PPP6R1: variants seen among roughly 807,000 people sequenced by gnomAD.
PPP6R1 encodes the protein serine/threonine-protein phosphatase 6 regulatory subunit 1.
PPP6R1 carries 39 observed loss-of-function variants against 104.6 expected under a neutral mutation model. The ratio of observed to expected loss-of-function variants is 0.37; its 90% confidence interval spans 0.29 to 0.49. PPP6R1 has a LOEUF of 0.49. PPP6R1 is among the 20% of genes least tolerant of loss of function. The pLI is 0.98. For missense variants in PPP6R1, 1,181 were observed against 1,155.8 expected (o/e 1.02, Z -0.32); for synonymous variants, 549 against 479.0 (o/e 1.15, Z -1.91).
rs754829454 is a variant in PPP6R1, at chr19:55,236,843, G to A, written c.1810-22C>T. On this transcript the variant is annotated intron_variant, in intron 16 of 23. Transcript: ENST00000412770. ...TGGGCTGCAGGGCACAGGGGTGGGA[G>A]GATGGGCCACACTGCCCACAGCCCC... is the stretch of plus-strand genomic sequence containing the variant. The A allele has an allele frequency of 7.4e-6, 12 of 1,613,730 alleles. No individual in the cohort carries two copies. In the Admixed American group the frequency reaches 2.0e-4, roughly 27 times the overall value.
rs1280879464 is a variant in PPP6R1 at position 55,239,439 on chromosome 19, C to G, written c.1717G>C (p.Asp573His). ...SAFIDHFGFNDEEFGEQEESV... is the reference protein window; with the variant it reads ...SAFIDHFGFNHEEFGEQEESV... ...TCCTCCTGCTCCCCAAACTCCTCAT[C>G]ATTGAAGCCGAAGTGGTCAATGAAG... is the stretch of plus-strand genomic sequence containing the variant. Residue 573 changes from aspartate to histidine, a missense_variant, in exon 15 of 24, where the codon GAT (aspartate) becomes CAT (histidine). Physicochemically the swap from Asp to His is moderately conservative, Grantham distance 81. This residue lies in a region of PPP6R1 where 1,042 missense variants were observed against 955.6 expected (regional missense o/e 1.09). Transcript: ENST00000412770. The G allele has an allele frequency of 3.1e-6, 5 of 1,613,996 alleles. No individual in the cohort carries two copies. Among genetic ancestry groups the G allele is most frequent in the Non-Finnish European group, 4.2e-6 (5 of 1,179,886 alleles).
chr19:55,228,565 C>T, downstream of PPP6R1: 3 of 1,521,270 alleles, frequency 2.0e-6, no homozygotes, highest in Non-Finnish European at 2.7e-6. Context: ...ATTCAGGGAC[C>T]AGGCTGCCAG....
Position 55,241,050 on chromosome 19 carries a change from G to A in PPP6R1, c.1191C>T (p.Asn397=). Reference sequence around the variant, plus strand: ...ATCCCTCTACTTGGGCATGCAAGAAGTTGTTGAAGACATAATGGAAGAAGA... The same window carrying A: ...ATCCCTCTACTTGGGCATGCAAGAAATTGTTGAAGACATAATGGAAGAAGA... ...LDLFFHYVFN[N]FLHAQVEGCV... Residue 397 remains asparagine (N), a synonymous_variant, in exon 10 of 24, where the codon AAC becomes AAT. Coordinates refer to ENST00000412770, the MANE Select transcript of PPP6R1 (RefSeq NM_014931.4). The surrounding 1 kb of genome is among the most constrained non-coding windows in gnomAD (Gnocchi z 5.4). 1 of 1,557,402 alleles carries A rather than the reference G, an allele frequency of 6.4e-7. No individual in the cohort carries two copies. The highest frequency in any genetic ancestry group is 1.2e-5 in the South Asian group (1 of 84,382).
In PPP6R1 at chr19:55,231,659, G is replaced by A; in HGVS notation, c.2316C>T (p.Asp772=). The change falls in exon 20 of 24, where the codon GAC becomes GAT. Residue 772 remains aspartate (D), a synonymous_variant. Transcript: ENST00000412770. ...CCTGAGGTGCTGAGGGGGGTGTGGG[G>A]TCCTGAGACCTGGTAGGCGAGAGAG... ...ARDALQLRSQ[D]PTPPSAPQEA... The A allele has an allele frequency of 6.2e-7, 1 of 1,607,772 alleles. No individual in the cohort carries two copies. The highest frequency in any genetic ancestry group is 8.5e-7 in the Non-Finnish European group (1 of 1,176,834).
chr19:55,236,864 G>A, intron 16 of PPP6R1, 43 bp from the exon 17 acceptor site: 1 of 1,602,946 alleles, frequency 6.2e-7, no homozygotes, highest in Non-Finnish European at 8.5e-7. Flanking sequence ...ACTGCCCACA[G>A]CCCCACACCC....
chr19:55,231,464 C>T lies in PPP6R1; in HGVS notation c.2405G>A (p.Gly802Glu). The T allele has an allele frequency of 6.2e-7, 1 of 1,608,410 alleles. No individual in the cohort carries two copies. Among genetic ancestry groups the T allele is most frequent in the Middle Eastern group, 1.7e-4 (1 of 5,988 alleles). Residue 802 changes from glycine (G) to glutamate (E), a missense_variant, in exon 21 of 24, where the codon GGG becomes GAG. Gly to Glu is a moderately conservative substitution (Grantham distance 98). Around this residue, in one of 2 missense-constraint regions of PPP6R1, gnomAD observed 1,042 missense variants for 955.6 expected, o/e 1.09. Transcript: ENST00000412770. ...SAPCQALVSI[G>E]DLQATFHGIR... The stretch of plus-strand genomic sequence containing the variant: ...CCCGTGGAAGGTGGCCTGAAGGTCC[C>T]CGATGCTAACCAAGGCCTGGCAAGG...
At chr19:55,234,672 A>ACTCACAGCG (rs2087379949) in intron 17 of PPP6R1, among the ~76,000 whole-genome samples, 1 of 149,370 alleles carries the variant, frequency 6.7e-6, no homozygotes, top group African/African-American at 2.6e-5. Flanking sequence ...CACTCACAGC[A>ACTCACAGCG]GCGAGCAACA....
chr19:55,243,258 A>C (rs112059003), intron 5 of PPP6R1, among the ~76,000 whole-genome samples: 9 of 151,988 alleles, frequency 5.9e-5, no homozygotes, highest in African/African-American at 1.2e-4. Context: ...ACTAAAAATA[A>C]AAAAATTAGC....
chr19:55,251,990 A>G (rs1015082111), intron 1 of PPP6R1, among the ~76,000 whole-genome samples: 1 of 152,092 alleles, frequency 6.6e-6, no homozygotes. Flanking sequence ...TAGGCTGCCC[A>G]TGCCATGCCA....
intron 10 of PPP6R1, 132 bp downstream of exon 10, chr19:55,240,813 C>G: frequency 2.3e-6 from 3 of 1,302,080 alleles, no homozygotes; most frequent in Non-Finnish European, 3.1e-6. Flanking sequence ...TCCCACACCC[C>G]ATCTGGGCGC....
Position 55,241,440 on chromosome 19 carries a change from C to T in PPP6R1, c.1008+37G>A, listed in dbSNP as rs376897114. ...TCCCAAGGGCTGCCCTTCCTGCTTC[C>T]CCCGCCTCCCCGAGGACCAGAACCC... On this transcript the variant is annotated intron_variant, in intron 8 of 23. Transcript: ENST00000412770. This position sits in a 1 kb window ranked among gnomAD's most constrained non-coding sequence, Gnocchi z 5.4. 20 of 1,595,856 alleles carry T rather than the reference C, an allele frequency of 1.3e-5. No individual in the cohort carries two copies. The African/African-American group carries it at 2.5e-4, about 20-fold the overall frequency.
intron 1 of PPP6R1, among the ~76,000 whole-genome samples, chr19:55,251,111 C>T (rs188365887): frequency 2.6e-5 from 4 of 152,224 alleles, no homozygotes; most frequent in African/African-American, 9.6e-5. Context: ...GCCTGCCTGG[C>T]TCAAGCAGCC....
At chr19:55,249,540 C>T (rs1159967319) in intron 1 of PPP6R1, among the ~76,000 whole-genome samples, 1 of 152,064 alleles carries the variant, frequency 6.6e-6, no homozygotes, top group Non-Finnish European at 1.5e-5. Flanking sequence ...CATGCCCAGA[C>T]TCCCAATATT....
chr19:55,242,394 A>G lies in PPP6R1; in HGVS notation c.713T>C (p.Leu238Pro), dbSNP rs777807744. The G allele has an allele frequency of 5.0e-6, 8 of 1,613,666 alleles. No homozygotes were observed. The highest frequency in any genetic ancestry group is 3.4e-6 in the Non-Finnish European group (4 of 1,179,694). Reference sequence around the variant, plus strand: ...CACCCACTTCTCCAGGGTGGCCAGCAGTTGGTCAGGCTCTGGGCTGTCCTG... The same window carrying G: ...CACCCACTTCTCCAGGGTGGCCAGCGGTTGGTCAGGCTCTGGGCTGTCCTG... Reference protein sequence around the residue: ...QVQDSPEPDQLLATLEKQETI... With the variant: ...QVQDSPEPDQPLATLEKQETI... The change falls in exon 6 of 24, where the codon CTG (leucine) becomes CCG (proline). Residue 238 changes from leucine to proline, a missense_variant. Physicochemically the swap from Leu to Pro is moderately conservative, Grantham distance 98. Transcript: ENST00000412770.
At position 55,242,026 on chromosome 19, in the gene PPP6R1, T is replaced by C; in HGVS notation, c.845+140A>G. On this transcript the variant is annotated intron_variant, in intron 7 of 23. Coordinates refer to ENST00000412770, the MANE Select transcript of PPP6R1 (RefSeq NM_014931.4). ...CCTCCCTCGGCCCCGTACTGTCCAC[T>C]GTGCAGGGAGCACAGGCAGCCACAG... 6.4e-6 allele frequency: 5 copies of C among 775,512 alleles called. No homozygotes were observed. In the South Asian group the frequency reaches 6.6e-5, roughly 10 times the overall value. The allele number at this position is 775,512 out of a possible 1,614,324, so 48.0% of individuals were successfully genotyped here.
rs565136760 is a variant in PPP6R1 at position 55,240,502 on chromosome 19, A to G, written c.1297-202T>C. ...GTCTCTCTGGTCTTTCTACAAAAGAATATGTGGTGCATACACACACACACA... is the reference window on the plus strand; with the variant it reads ...GTCTCTCTGGTCTTTCTACAAAAGAGTATGTGGTGCATACACACACACACA... On this transcript the variant is annotated intron_variant, in intron 10 of 23. Coordinates refer to ENST00000412770, the MANE Select transcript of PPP6R1 (RefSeq NM_014931.4). 4.7e-5 allele frequency among the ~76,000 whole-genome samples: 7 copies of G among 149,404 alleles called. No homozygotes were observed. The South Asian group carries it at 1.3e-3, about 27-fold the overall frequency.
intron 1 of PPP6R1, 91 bp downstream of exon 1, chr19:55,258,344 C>T (rs2087611117): frequency 6.6e-6 from 1 of 152,254 alleles, no homozygotes; most frequent in South Asian, 2.1e-4. Context: ...CGCGGGGGTC[C>T]CGAGAGGGAA....
chr19:55,231,003 G>C, intron 21 of PPP6R1, 119 bp from the exon 22 acceptor site: 1 of 852,768 alleles, frequency 1.2e-6, no homozygotes, highest in Non-Finnish European at 1.9e-6. Context: ...CTGCCCCACG[G>C]GGAGGGGCCT....
chr19:55,240,580 C>T (rs1358162224), intron 10 of PPP6R1, among the ~76,000 whole-genome samples: 1 of 152,096 alleles, frequency 6.6e-6, no homozygotes, highest in Admixed American at 6.5e-5. Flanking sequence ...CGGACACACA[C>T]ATGCTCACAC....
Sources: gnomAD v4.1 joint callset for allele counts (sites outside exome capture counted in the v4.1 genomes callset) on GRCh38, gnomAD v4.1.1 for gene constraint, gnomAD v4.1.1 regional missense constraint, Gnocchi (gnomAD v3.1) non-coding constraint, MANE v1.5 for transcripts, NCBI Gene and HGNC (gene_info 2026-07-23, HGNC 2026-07-21) for gene names.